The following ELAVL3 variants were observed in gnomAD, a reference collection of about 807,000 sequenced individuals.
ELAVL3 encodes ELAV-like protein 3.
In ELAVL3, 8 loss-of-function variants were observed where a neutral mutation model predicts 34.2. The ratio of observed to expected loss-of-function variants is 0.23; its 90% CI spans 0.14 to 0.42. The LOEUF is 0.42. Ranked by LOEUF, ELAVL3 falls within the 10% of genes least tolerant of loss-of-function variation. The pLI is 1.00. For missense variants in ELAVL3, 273 were observed against 518.8 expected, an observed-to-expected ratio of 0.53 and a Z score of 4.60; for synonymous variants, 209 against 222.1, an observed-to-expected ratio of 0.94 and a Z score of 0.53.
chr19:11,464,168 T>TATATATATATA (rs34925349), intron 3 of ELAVL3, among the ~76,000 whole-genome samples: 4 of 79,136 alleles, frequency 5.1e-5, no homozygotes, highest in African/African-American at 2.4e-4. Context: ...TATATATATA[T>TATATATATATA]TTTTTTTTTT....
intron 3 of ELAVL3, among the ~76,000 whole-genome samples, chr19:11,460,472 C>G (rs311778): frequency 0.14 from 20,548 of 151,980 alleles, 2,687 homozygotes; most frequent in African/African-American, 0.34. Context: ...AAGCCAAAGT[C>G]CTTTCCTTGG....
At chr19:11,459,756 G>C (rs1970845597) in intron 3 of ELAVL3, among the ~76,000 whole-genome samples, 1 of 151,874 alleles carries the variant, frequency 6.6e-6, no homozygotes, top group African/African-American at 2.4e-5. Context: ...GTGTTGCCCA[G>C]GCTAAATGCA....
rs1599542164 is a variant in ELAVL3 at position 11,466,551 on chromosome 19, C to T, written c.229+57G>A. The T allele has an allele frequency of 1.3e-6, 2 of 1,591,512 alleles. No homozygotes were observed. The highest frequency in any genetic ancestry group is 1.3e-5 in the African/African-American group (1 of 74,388). On this transcript the variant is annotated intron_variant, in intron 2 of 6. Coordinates refer to ENST00000359227, the MANE Select transcript of ELAVL3 (RefSeq NM_001420.4). This position sits in a 1 kb window ranked among gnomAD's most constrained non-coding sequence, Gnocchi z 5.0. ...GCAAGGGTCCCACCTGCCCCCATCA[C>T]CTCTGTATTTCTGAGGCTACCACCT...
chr19:11,468,886 T>A (rs983066965), intron 1 of ELAVL3, among the ~76,000 whole-genome samples: 13 of 150,162 alleles, frequency 8.7e-5, no homozygotes, highest in African/African-American at 3.2e-4. Context: ...TTTTATTGAC[T>A]TTTTTTTTAC....
At chr19:11,478,770 G>A (rs547842570) in intron 1 of ELAVL3, among the ~76,000 whole-genome samples, 1 of 152,140 alleles carries the variant, frequency 6.6e-6, no homozygotes, top group African/African-American at 2.4e-5. Context: ...CACACCTGAG[G>A]CCACTTTTTT....
rs1156275725 is a variant in ELAVL3 at position 11,458,110 on chromosome 19, A to G, written c.664T>C (p.Ser222Pro). The change falls in exon 5 of 7, where the codon TCC becomes CCC. Residue 222 changes from serine (S) to proline (P), a missense_variant. By Grantham distance (74) the Ser-to-Pro change is moderately conservative. Transcript: ENST00000359227. This position sits in a 1 kb window ranked among gnomAD's most constrained non-coding sequence, Gnocchi z 7.3. Reference sequence around the variant, plus strand: ...AGGGGGCCTGCGTAGCGCCGGGCGGATGACTGGTAGAGGTGGGTGAGCAGC... The same window carrying G: ...AGGGGGCCTGCGTAGCGCCGGGCGGGTGACTGGTAGAGGTGGGTGAGCAGC... ...QALLTHLYQS[S>P]ARRYAGPLHH... 2 of 1,613,970 alleles carry G rather than the reference A, an allele frequency of 1.2e-6. No homozygotes were observed. Among genetic ancestry groups the G allele is most frequent in the Non-Finnish European group, 1.7e-6 (2 of 1,180,010 alleles).
intron 5 of ELAVL3, 134 bp from the exon 6 acceptor site, chr19:11,457,282 C>T (rs1970789165): frequency 1.0e-6 from 1 of 986,622 alleles, no homozygotes; most frequent in Non-Finnish European, 1.4e-6. Flanking sequence ...TGCTCCCCGC[C>T]CGCCCGGCTA....
At chr19:11,459,127 CTTTTTTTT>C (rs774008466) in intron 3 of ELAVL3, among the ~76,000 whole-genome samples, 1 of 123,726 alleles carries the variant, frequency 8.1e-6, no homozygotes, top group Non-Finnish European at 1.8e-5. Context: ...TTTTTTTTTT[CTTTTTTTT>C]TTTTTTGAGA....
chr19:11,454,302 G>A lies in ELAVL3; in HGVS notation c.*224C>T, dbSNP rs766524991. On this transcript the variant is annotated 3_prime_UTR_variant, in exon 7 of 7. Coordinates refer to ENST00000359227, the MANE Select transcript of ELAVL3 (RefSeq NM_001420.4). This position sits in a 1 kb window ranked among gnomAD's most constrained non-coding sequence, Gnocchi z 9.2. The stretch of plus-strand genomic sequence containing the variant: ...GTGAACAGCCCAGCCTGGGGTGGGG[G>A]CAGGAGGATGGGGCGGGGGATCCCC... The A allele has an allele frequency of 3.6e-6, 2 of 558,434 alleles. No homozygotes were observed. The highest frequency in any genetic ancestry group is 1.9e-5 in the African/African-American group (1 of 53,280). The allele number at this position is 558,434 out of a possible 1,614,324, so 34.6% of individuals were successfully genotyped here.
rs1214245689 is a variant in ELAVL3, at chr19:11,451,975, A to T, written c.*2551T>A. ...AGAGCCCCAAGAGACAGCAGGGGAG[A>T]GGGGTCCCTGCCCTGCTGCAGGGGA... On this transcript the variant is annotated 3_prime_UTR_variant, in exon 7 of 7. Coordinates refer to ENST00000359227, the MANE Select transcript of ELAVL3 (RefSeq NM_001420.4). 2 of 152,138 alleles carry T rather than the reference A, an allele frequency of 1.3e-5. No individual in the cohort carries two copies. Among genetic ancestry groups the T allele is most frequent in the African/African-American group, 4.8e-5 (2 of 41,406 alleles). The allele number at this position is 152,138 out of a possible 1,614,324, so 9.4% of individuals were successfully genotyped here.
Position 11,480,478 on chromosome 19 carries a change from C to T in ELAVL3, c.9+122G>A, listed in dbSNP as rs1191092565. 3.3e-6 allele frequency: 4 copies of T among 1,200,258 alleles called. No individual in the cohort carries two copies. In the East Asian group the frequency reaches 9.4e-5, roughly 28 times the overall value. 74.4% of individuals were successfully genotyped at this position (1,200,258 alleles called of 1,614,324 possible). A position where few individuals can be genotyped will look rare whatever the true frequency, so the allele number is the denominator to read the frequency against. On this transcript the variant is annotated intron_variant, in intron 1 of 6. Transcript: ENST00000359227. The surrounding 1 kb of genome is among the most constrained non-coding windows in gnomAD (Gnocchi z 6.8). ...CAGGCCCCGAGGCTTGGTCCTACCC[C>T]CCCAACCCGGGCCTAGCTAGGCCTG...
chr19:11,466,287 A>C lies in ELAVL3; in HGVS notation c.230-12T>G. The C allele has an allele frequency of 6.2e-7, 1 of 1,609,868 alleles. No homozygotes were observed. On this transcript the variant is annotated splice_polypyrimidine_tract_variant and intron_variant, in intron 2 of 6. Transcript: ENST00000359227. This position sits in a 1 kb window ranked among gnomAD's most constrained non-coding sequence, Gnocchi z 5.0. ...GCCAAGGCTCTGCCCTGTGGGCAGA[A>C]CCAGAATGATGACCTTCCCACCCAG...
chr19:11,464,725 TCACA>T (rs1281151620), intron 3 of ELAVL3, among the ~76,000 whole-genome samples: 7 of 43,048 alleles, frequency 1.6e-4, no homozygotes, highest in Non-Finnish European at 2.7e-4. Flanking sequence ...CACACACACA[TCACA>T]CACACACCAC....
Position 11,454,646 on chromosome 19 carries a change from G to C in ELAVL3, c.984C>G (p.Gly328=). The C allele has an allele frequency of 6.2e-7, 1 of 1,614,228 alleles. No individual in the cohort carries two copies. Residue 328 remains glycine (G), a synonymous_variant, in exon 7 of 7, where the codon GGC becomes GGG. Transcript: ENST00000359227. The surrounding 1 kb of genome is among the most constrained non-coding windows in gnomAD (Gnocchi z 9.2). ...DFTTNKCKGF[G]FVTMTNYDEA... ...CGTCATAGTTGGTCATGGTCACGAA[G>C]CCGAAACCCTTGCACTTGTTGGTGG...
At chr19:11,467,639 A>G (rs1268765329) in intron 1 of ELAVL3, among the ~76,000 whole-genome samples, 1 of 151,496 alleles carries the variant, frequency 6.6e-6, no homozygotes, top group East Asian at 2.0e-4. Flanking sequence ...GCATGCCACT[A>G]TGCACAGCTA....
At chr19:11,462,845 C>G (rs1441264742) in intron 3 of ELAVL3, among the ~76,000 whole-genome samples, 5 of 151,344 alleles carry the variant, frequency 3.3e-5, no homozygotes, top group African/African-American at 1.2e-4. Flanking sequence ...GCCTGTAGTC[C>G]CAGCTACACG....
chr19:11,464,617 CCACA>C (rs1244855396), intron 3 of ELAVL3, among the ~76,000 whole-genome samples: 1 of 145,304 alleles, frequency 6.9e-6, no homozygotes, highest in Admixed American at 6.9e-5. Flanking sequence ...ACCACACACA[CCACA>C]CACACACCAC....
intron 3 of ELAVL3, among the ~76,000 whole-genome samples, chr19:11,462,031 C>G (rs1970896031): frequency 6.6e-6 from 1 of 151,848 alleles, no homozygotes; most frequent in Non-Finnish European, 1.5e-5. Context: ...AAAAATTAGC[C>G]AGGCGTGGTG....
chr19:11,463,699 C>T (rs1366684653), intron 3 of ELAVL3, among the ~76,000 whole-genome samples: 8 of 152,070 alleles, frequency 5.3e-5, no homozygotes, highest in Non-Finnish European at 8.8e-5. Context: ...GGGCCGGGTG[C>T]GGTGGCTCAC....
Sources: allele counts gnomAD v4.1 joint callset (sites outside exome capture counted in the v4.1 genomes callset), GRCh38; gene constraint gnomAD v4.1.1; non-coding constraint Gnocchi (gnomAD v3.1); transcripts MANE v1.5; gene names NCBI Gene and HGNC (gene_info 2026-07-23, HGNC 2026-07-21).